KPNA5: variants seen among roughly 807,000 people sequenced by gnomAD.
The protein encoded by KPNA5 is karyopherin subunit alpha 5.
Under a neutral mutation model 71.3 loss-of-function variants are expected in KPNA5, and 46 were observed. That is an observed-to-expected ratio of 0.65 (90% CI 0.51 to 0.83). KPNA5 has a LOEUF of 0.83. Among genes scored for constraint, KPNA5 ranks in the 40% least tolerant of loss-of-function variants. KPNA5 has a pLI of 0.00. For synonymous variants in KPNA5, 207 were observed against 201.4 expected, an observed-to-expected ratio of 1.03 and a Z score of -0.24; for missense variants, 547 against 628.3, an observed-to-expected ratio of 0.87 and a Z score of 1.38.
intron 1 of KPNA5, among the ~76,000 whole-genome samples, chr6:116,687,627 C>T (rs1295811321): frequency 1.3e-5 from 2 of 152,198 alleles, no homozygotes; most frequent in East Asian, 1.9e-4. Flanking sequence ...TACTCTGATC[C>T]TCCATCCGTA....
At chr6:116,684,084 T>C (rs1777475339) in intron 1 of KPNA5, among the ~76,000 whole-genome samples, 1 of 151,682 alleles carries the variant, frequency 6.6e-6, no homozygotes, top group Non-Finnish European at 1.5e-5. Flanking sequence ...AGCTGATTTT[T>C]GTATTTTCAG....
intron 2 of KPNA5, among the ~76,000 whole-genome samples, chr6:116,690,018 CAT>C (rs1344649448): frequency 6.6e-6 from 1 of 152,038 alleles, no homozygotes; most frequent in Non-Finnish European, 1.5e-5. Context: ...GGTTCTCACA[CAT>C]GTGAATTAAA....
intron 1 of KPNA5, among the ~76,000 whole-genome samples, chr6:116,686,314 CT>C (rs57299882): frequency 0.028 from 4,284 of 152,244 alleles, 175 homozygotes; most frequent in African/African-American, 0.085. Flanking sequence ...TGATGTTAAC[CT>C]TTTTTTCATA....
rs764888845 is a variant in KPNA5 at position 116,702,066 on chromosome 6, G to T, written c.483G>T (p.Leu161=). 8 of 1,613,566 alleles carry T rather than the reference G, an allele frequency of 5.0e-6. No individual in the cohort carries two copies. The highest frequency in any genetic ancestry group is 3.3e-5 in the South Asian group (3 of 91,030). The change falls in exon 6 of 14, where the codon CTG becomes CTT. Residue 161 remains leucine, a synonymous_variant. Coordinates refer to ENST00000368564, the MANE Select transcript of KPNA5 (RefSeq NM_001366306.2). ...CAAATATAGCATCTGGAACTTTTCT[G>T]CATACCAAGGTAGTGATTGAAACTG... The part of the protein sequence containing the change: ...ALTNIASGTF[L]HTKVVIETGA...
intron 12 of KPNA5, 35 bp from the exon 13 acceptor site, chr6:116,729,528 T>C (rs1779407734): frequency 3.6e-5 from 48 of 1,333,096 alleles, no homozygotes; most frequent in Non-Finnish European, 4.7e-5. Flanking sequence ...TAAATCTTTT[T>C]TTCCCTGTTT....
Position 116,726,388 on chromosome 6 carries a change from G to T in KPNA5, c.1126-107G>T, listed in dbSNP as rs1039107739. ...ATTAAAAATTTATTTTAATGTCAAG[G>T]TTCCAAAAACCTTGACATTTTGAAG... On this transcript the variant is annotated intron_variant, in intron 11 of 13. Coordinates refer to ENST00000368564, the MANE Select transcript of KPNA5 (RefSeq NM_001366306.2). 66 of 836,252 alleles carry T rather than the reference G, an allele frequency of 7.9e-5. No homozygotes were observed. In the African/African-American group the frequency reaches 1.0e-3, roughly 13 times the overall value. 51.8% of individuals were successfully genotyped at this position (836,252 alleles called of 1,614,324 possible).
At position 116,729,749 on chromosome 6, in the gene KPNA5, A is replaced by G. The variant is rs2114504452; in HGVS notation, c.1432+8A>G. On this transcript the variant is annotated splice_region_variant and intron_variant, in intron 13 of 13. Coordinates refer to ENST00000368564, the MANE Select transcript of KPNA5 (RefSeq NM_001366306.2). ...TCATTGAAGAAGCATATGGTAAGCAATCAGTTAAAAATTTGCAATTATAGT... is the reference window on the plus strand; with the variant it reads ...TCATTGAAGAAGCATATGGTAAGCAGTCAGTTAAAAATTTGCAATTATAGT... The G allele has an allele frequency of 6.8e-7, 1 of 1,477,042 alleles. No individual in the cohort carries two copies. Among genetic ancestry groups the G allele is most frequent in the Non-Finnish European group, 9.1e-7 (1 of 1,104,860 alleles). The allele number at this position is 1,477,042 out of a possible 1,614,324, so 91.5% of individuals were successfully genotyped here. A position where few individuals can be genotyped will look rare whatever the true frequency, so the allele number is the denominator to read the frequency against.
Position 116,732,270 on chromosome 6 carries a change from C to G in KPNA5, c.1567C>G (p.Gln523Glu), listed in dbSNP as rs746519943. Residue 523 changes from glutamine to glutamate, a missense_variant, in exon 14 of 14, where the codon CAA (glutamine) becomes GAA (glutamate). By Grantham distance (29) the Gln-to-Glu change is conservative. Transcript: ENST00000368564. ...SIVPQVDENQ[Q>E]QFIFQQQEAP... ...TGTACCTCAGGTGGATGAAAACCAACAACAGTTTATATTTCAGCAGCAGGA... is the reference window on the plus strand; with the variant it reads ...TGTACCTCAGGTGGATGAAAACCAAGAACAGTTTATATTTCAGCAGCAGGA... 6.4e-7 allele frequency: 1 copy of G among 1,552,126 alleles called. No individual in the cohort carries two copies. Among genetic ancestry groups the G allele is most frequent in the African/African-American group, 1.4e-5 (1 of 71,904 alleles).
At chr6:116,683,525 A>T (rs1318483863) in intron 1 of KPNA5, among the ~76,000 whole-genome samples, 2 of 152,202 alleles carry the variant, frequency 1.3e-5, no homozygotes, top group Non-Finnish European at 2.9e-5. Flanking sequence ...TATAAAATAG[A>T]GAATAATACC....
intron 1 of KPNA5, among the ~76,000 whole-genome samples, chr6:116,683,790 G>A (rs1777455999): frequency 6.6e-6 from 1 of 151,062 alleles, no homozygotes; most frequent in Admixed American, 6.6e-5. Context: ...ATAGAGATGG[G>A]GTTTCACTGT....
At chr6:116,690,140 G>A (rs1777740718) in intron 2 of KPNA5, among the ~76,000 whole-genome samples, 1 of 148,356 alleles carries the variant, frequency 6.7e-6, no homozygotes, top group South Asian at 2.1e-4. Flanking sequence ...CTGCTATGTT[G>A]CCCAGGCTGG....
Position 116,737,040 on chromosome 6 carries a change from T to A in KPNA5, c.*4717T>A, listed in dbSNP as rs779338286. ...CTCTGTTTCTGTTTATTGATTTTTT[T>A]ATTATGAGTTGTATTTTTCATTTGC... On this transcript the variant is annotated 3_prime_UTR_variant, in exon 14 of 14. Coordinates refer to ENST00000368564, the MANE Select transcript of KPNA5 (RefSeq NM_001366306.2). The A allele has an allele frequency of 2.0e-5, 3 of 151,986 alleles. No homozygotes were observed. Among genetic ancestry groups the A allele is most frequent in the Non-Finnish European group, 4.4e-5 (3 of 67,936 alleles). 9.4% of individuals were successfully genotyped at this position (151,986 alleles called of 1,614,324 possible).
At chr6:116,696,988 T>C (rs1778053803) in intron 4 of KPNA5, among the ~76,000 whole-genome samples, 1 of 151,936 alleles carries the variant, frequency 6.6e-6, no homozygotes, top group South Asian at 2.1e-4. Flanking sequence ...TTAATATATA[T>C]AGCTGACATT....
At chr6:116,709,809 G>C (rs2114441417) in intron 7 of KPNA5, among the ~76,000 whole-genome samples, 1 of 151,346 alleles carries the variant, frequency 6.6e-6, no homozygotes, top group African/African-American at 2.4e-5. Flanking sequence ...TCTGTCGCCA[G>C]GCTTGAGTAC....
chr6:116,705,055 T>G lies in KPNA5; in HGVS notation c.568-17T>G. On this transcript the variant is annotated splice_polypyrimidine_tract_variant and intron_variant, in intron 6 of 13. Coordinates refer to ENST00000368564, the MANE Select transcript of KPNA5 (RefSeq NM_001366306.2). ...AATTTAAAATATTGTCTTAAGATAA[T>G]TTTTTTTTTTCCTAAGGCTGTTTGG... 9.3e-7 allele frequency: 1 copy of G among 1,079,838 alleles called. No homozygotes were observed. The highest frequency in any genetic ancestry group is 1.3e-6 in the Non-Finnish European group (1 of 776,456). 66.9% of individuals were successfully genotyped at this position (1,079,838 alleles called of 1,614,324 possible). A position where few individuals can be genotyped will look rare whatever the true frequency, so the allele number is the denominator to read the frequency against.
intron 13 of KPNA5, 44 bp from the exon 14 acceptor site, chr6:116,732,092 A>ACACATATACTATATATATACAAAG (rs1554258564): frequency 2.8e-5 from 2 of 71,414 alleles, no homozygotes; most frequent in Non-Finnish European, 5.4e-5. Context: ...ATATATATAT[A>ACACATATACTATATATATACAAAG]TATATATATA....
chr6:116,707,039 C>T (rs545126415), intron 7 of KPNA5, among the ~76,000 whole-genome samples: 1 of 151,068 alleles, frequency 6.6e-6, no homozygotes, highest in East Asian at 2.0e-4. Flanking sequence ...TGGCAGGCGC[C>T]TGTAGTCCCA....
chr6:116,689,477 T>G, intron 2 of KPNA5, 24 bp downstream of exon 2: 1 of 1,528,588 alleles, frequency 6.5e-7, no homozygotes, highest in East Asian at 2.3e-5. Flanking sequence ...GCTATTTAAT[T>G]TTGTTTTTTA....
intron 4 of KPNA5, among the ~76,000 whole-genome samples, chr6:116,694,169 A>C (rs914460163): frequency 6.6e-6 from 1 of 152,136 alleles, no homozygotes; most frequent in Non-Finnish European, 1.5e-5. Context: ...ATCAGGTAGC[A>C]TGATGCCTCC....
Sources: allele counts gnomAD v4.1 joint callset (sites outside exome capture counted in the v4.1 genomes callset), GRCh38; gene constraint gnomAD v4.1.1; transcripts MANE v1.5; gene names NCBI Gene and HGNC (gene_info 2026-07-23, HGNC 2026-07-21).